The following PAQR5 variants were observed in gnomAD, a reference collection of about 807,000 sequenced individuals.
PAQR5 encodes the protein membrane progestin receptor gamma.
A neutral mutation model predicts 34.5 loss-of-function variants in PAQR5; 20 were observed. That is an observed-to-expected ratio of 0.58 (90% CI 0.41 to 0.84). The LOEUF is 0.84. Among genes scored for constraint, PAQR5 ranks in the 40% least tolerant of loss-of-function variants. The pLI, the probability that PAQR5 is intolerant of heterozygous loss-of-function variation, is 0.00. For missense variants in PAQR5, 378 were observed against 412.7 expected, an observed-to-expected ratio of 0.92 and a Z score of 0.73; for synonymous variants, 131 against 155.6, an observed-to-expected ratio of 0.84 and a Z score of 1.18.
In PAQR5 at chr15:69,352,586, G is replaced by A. The variant is rs149579199; in HGVS notation, c.-115-7380G>A. Among the ~76,000 whole-genome samples, 328 of 152,320 alleles carry A rather than the reference G, an allele frequency of 2.2e-3. 2 individuals are homozygous for A. Among genetic ancestry groups the A allele is most frequent in the African/African-American group, 7.2e-3 (300 of 41,562 alleles). ...AAGGAAGAGAAAACCGGGGCCTGCC[G>A]TCCAGATGGATCTGCGTGATATGCA... On this transcript the variant is annotated intron_variant, in intron 2 of 8. Transcript: ENST00000395407.
In PAQR5 at chr15:69,405,707, A is replaced by G. The variant is rs1352617602; in HGVS notation, c.*1885A>G. ...TCTCTCCTTTATAGGTAACAAAATAATGTTTAGCTCAGTAAGTACTGAAAT... is the reference window on the plus strand; with the variant it reads ...TCTCTCCTTTATAGGTAACAAAATAGTGTTTAGCTCAGTAAGTACTGAAAT... On this transcript the variant is annotated 3_prime_UTR_variant, in exon 9 of 9. Coordinates refer to ENST00000395407, the MANE Select transcript of PAQR5 (RefSeq NM_017705.4). 1 of 152,204 alleles carries G rather than the reference A, an allele frequency of 6.6e-6. No individual in the cohort carries two copies. The highest frequency in any genetic ancestry group is 2.4e-5 in the African/African-American group (1 of 41,454). The allele number at this position is 152,204 out of a possible 1,614,324, so 9.4% of individuals were successfully genotyped here. A position where few individuals can be genotyped will look rare whatever the true frequency, so the allele number is the denominator to read the frequency against.
At chr15:69,334,201 T>C (rs1050571312) in intron 1 of PAQR5, among the ~76,000 whole-genome samples, 2 of 152,086 alleles carry the variant, frequency 1.3e-5, no homozygotes, top group African/African-American at 4.8e-5. Flanking sequence ...CTAATTTTTT[T>C]GTATTTTTAG....
chr15:69,356,208 G>T (rs565228644), intron 2 of PAQR5, among the ~76,000 whole-genome samples: 4 of 152,288 alleles, frequency 2.6e-5, no homozygotes, highest in Admixed American at 6.5e-5. Flanking sequence ...ATTGTTGTCT[G>T]AGGCTTCTCT....
At chr15:69,338,337 A>G (rs901468077) in intron 2 of PAQR5, among the ~76,000 whole-genome samples, 3 of 152,256 alleles carry the variant, frequency 2.0e-5, no homozygotes, top group Admixed American at 6.5e-5. Context: ...CTTGTGGGTT[A>G]GAAGTCCCCA....
chr15:69,305,151 G>A (rs1157002292), intron 1 of PAQR5, among the ~76,000 whole-genome samples: 3 of 152,130 alleles, frequency 2.0e-5, no homozygotes, highest in African/African-American at 7.2e-5. Flanking sequence ...TGCATTGTGG[G>A]AAGTTAGCAG....
In PAQR5 at chr15:69,395,938, G is replaced by A. The variant is rs538100596; in HGVS notation, c.513-1530G>A. Among the ~76,000 whole-genome samples, 36 of 152,020 alleles carry A rather than the reference G, an allele frequency of 2.4e-4. No individual in the cohort carries two copies. The South Asian group carries it at 5.0e-3, about 21-fold the overall frequency. On this transcript the variant is annotated intron_variant, in intron 6 of 8. Coordinates refer to ENST00000395407, the MANE Select transcript of PAQR5 (RefSeq NM_017705.4). ...TCTTGGGAGGCTGTGGGGCTTCTCC[G>A]GGCACACAGTGGTGTCCCTTTCTCC...
chr15:69,309,082 G>A (rs1384318870), intron 1 of PAQR5, among the ~76,000 whole-genome samples: 5 of 152,182 alleles, frequency 3.3e-5, no homozygotes, highest in Non-Finnish European at 7.3e-5. Context: ...GCTCAGAAGA[G>A]AGGCCTGGTT....
chr15:69,316,373 G>T (rs1196025813), intron 1 of PAQR5, among the ~76,000 whole-genome samples: 1 of 152,050 alleles, frequency 6.6e-6, no homozygotes, highest in African/African-American at 2.4e-5. Context: ...GAGCCACCGT[G>T]CCCGGCCATA....
intron 1 of PAQR5, among the ~76,000 whole-genome samples, chr15:69,330,727 T>C (rs1469324586): frequency 2.0e-5 from 3 of 152,206 alleles, no homozygotes; most frequent in Non-Finnish European, 4.4e-5. Flanking sequence ...CCAGGAATGC[T>C]TGGGGAGACT....
At chr15:69,312,511 G>T (rs536717248) in intron 1 of PAQR5, among the ~76,000 whole-genome samples, 2 of 151,766 alleles carry the variant, frequency 1.3e-5, no homozygotes, top group South Asian at 4.2e-4. Flanking sequence ...CCTGGCAAAA[G>T]TCATCCTCTT....
intron 3 of PAQR5, among the ~76,000 whole-genome samples, chr15:69,365,401 C>T (rs2055376682): frequency 6.6e-6 from 1 of 152,214 alleles, no homozygotes; most frequent in Non-Finnish European, 1.5e-5. Flanking sequence ...AGCCACCGTG[C>T]CCAGCCTCCT....
chr15:69,322,275 C>T (rs1448439422), intron 1 of PAQR5, among the ~76,000 whole-genome samples: 2 of 149,546 alleles, frequency 1.3e-5, no homozygotes, highest in Non-Finnish European at 2.9e-5. Context: ...GTCAGGAGTT[C>T]GAGACCAGCC....
intron 1 of PAQR5, among the ~76,000 whole-genome samples, chr15:69,330,551 C>A (rs1428329581): frequency 6.6e-6 from 1 of 152,092 alleles, no homozygotes; most frequent in Non-Finnish European, 1.5e-5. Context: ...CAGGCACCAC[C>A]CAGATCAATG....
intron 6 of PAQR5, chr15:69,391,726 G>A (rs987500823): frequency 6.6e-6 from 3 of 455,752 alleles, no homozygotes; most frequent in Non-Finnish European, 1.3e-5. Flanking sequence ...TGAGGGGGCA[G>A]AGGAGGAAGA....
chr15:69,382,678 ATATATATATATATATATATATATATATG>A (rs2055925071), intron 4 of PAQR5, among the ~76,000 whole-genome samples: 1 of 39,338 alleles, frequency 2.5e-5, no homozygotes, highest in African/African-American at 9.6e-5. Flanking sequence ...ATATATATAT[ATATATATATATATATATATATATATATG>A]TATGTATGTA....
intron 3 of PAQR5, chr15:69,379,294 G>A: frequency 2.6e-6 from 1 of 377,510 alleles, no homozygotes; most frequent in Non-Finnish European, 3.6e-6. Flanking sequence ...GGGGGGACTT[G>A]CCAAATGGGC....
intron 2 of PAQR5, among the ~76,000 whole-genome samples, chr15:69,347,581 T>C (rs1444800930): frequency 2.0e-5 from 3 of 152,184 alleles, no homozygotes; most frequent in South Asian, 2.1e-4. Flanking sequence ...TTCTCCCTGG[T>C]GGCCATTACA....
intron 1 of PAQR5, among the ~76,000 whole-genome samples, chr15:69,325,896 C>T (rs2054240347): frequency 6.6e-6 from 1 of 152,176 alleles, no homozygotes; most frequent in African/African-American, 2.4e-5. Context: ...ATCCCATGAA[C>T]CTGGCTTTTT....
chr15:69,339,958 C>T (rs2054602880), intron 2 of PAQR5, among the ~76,000 whole-genome samples: 1 of 152,196 alleles, frequency 6.6e-6, no homozygotes, highest in African/African-American at 2.4e-5. Context: ...CCTCTGCCTC[C>T]CGGGTTCAAG....
Sources: gnomAD v4.1 joint callset for allele counts (sites outside exome capture counted in the v4.1 genomes callset) on GRCh38, gnomAD v4.1.1 for gene constraint, MANE v1.5 for transcripts, NCBI Gene and HGNC (gene_info 2026-07-23, HGNC 2026-07-21) for gene names.